The following TTC39A variants were observed in gnomAD, a reference collection of about 807,000 sequenced individuals.
TTC39A encodes tetratricopeptide repeat domain 39A.
A neutral mutation model predicts 82.3 loss-of-function variants in TTC39A; 46 were observed. That is an observed-to-expected ratio of 0.56 (90% CI 0.44 to 0.71). The LOEUF (loss-of-function observed/expected upper bound fraction) is 0.71, where lower values mean the gene tolerates loss of function less well. Ranked by LOEUF, TTC39A falls within the 30% of genes least tolerant of loss-of-function variation. TTC39A has a pLI of 0.00. For missense variants in TTC39A, 543 were observed against 712.9 expected (o/e 0.76, Z 2.71); for synonymous variants, 254 against 275.2 (o/e 0.92, Z 0.76).
At chr1:51,304,813 T>A (rs2148191343) in intron 8 of TTC39A, among the ~76,000 whole-genome samples, 1 of 152,280 alleles carries the variant, frequency 6.6e-6, no homozygotes, top group Middle Eastern at 3.4e-3. Context: ...GAATGTGTGA[T>A]CCTGGGCCAC....
At position 51,312,914 on chromosome 1, in the gene TTC39A, G is replaced by T; in HGVS notation, c.176C>A (p.Thr59Lys). 1.2e-6 allele frequency: 2 copies of T among 1,613,750 alleles called. No individual in the cohort carries two copies. The highest frequency in any genetic ancestry group is 2.2e-5 in the East Asian group (1 of 44,872). ...CTGCATCTCCAGGATGGTGGCATAT[G>T]TCAGTGAGTGGTACATGCTTTCCTT... The part of the protein sequence containing the change: ...RTKESMYHSL[T>K]YATILEMQAM... The change falls in exon 3 of 18, where the codon ACA becomes AAA. Residue 59 changes from threonine (T) to lysine (K), a missense_variant. Coordinates refer to ENST00000680483, the MANE Select transcript of TTC39A (RefSeq NM_001297663.2).
chr1:51,291,739 T>C (rs1377970985), intron 14 of TTC39A, among the ~76,000 whole-genome samples: 1 of 145,720 alleles, frequency 6.9e-6, no homozygotes, highest in Non-Finnish European at 1.5e-5. Context: ...CCAAGAAATC[T>C]AGGCTGCAGT....
At chr1:51,298,404 C>T (rs1197086529) in intron 12 of TTC39A, 1 of 152,786 alleles carries the variant, frequency 6.5e-6, no homozygotes, top group Non-Finnish European at 1.5e-5. Flanking sequence ...CCATTTCCTC[C>T]CCTACACTCC....
chr1:51,291,368 A>G (rs1569748243), intron 14 of TTC39A, among the ~76,000 whole-genome samples: 1 of 151,808 alleles, frequency 6.6e-6, no homozygotes, highest in Non-Finnish European at 1.5e-5. Flanking sequence ...GCACACACCT[A>G]TAATTCCAGC....
chr1:51,313,224 C>A (rs1311169568), intron 2 of TTC39A, among the ~76,000 whole-genome samples: 2 of 152,206 alleles, frequency 1.3e-5, no homozygotes, highest in Admixed American at 6.5e-5. Context: ...AGCAGCATAG[C>A]TGCCATGAGC....
At position 51,306,093 on chromosome 1, in the gene TTC39A, A is replaced by C; in HGVS notation, c.489-17T>G. The C allele has an allele frequency of 6.4e-7, 1 of 1,557,894 alleles. No homozygotes were observed. Among genetic ancestry groups the C allele is most frequent in the Non-Finnish European group, 8.9e-7 (1 of 1,129,358 alleles). ...TCCAGCTCCCTGCAGAGAGATGCCA[A>C]GTCCTGTTTCAGCCACTGCTGGGGG... On this transcript the variant is annotated splice_polypyrimidine_tract_variant and intron_variant, in intron 6 of 17. Transcript: ENST00000680483.
chr1:51,309,028 C>T (rs1274267249), intron 6 of TTC39A, among the ~76,000 whole-genome samples: 1 of 152,182 alleles, frequency 6.6e-6, no homozygotes, highest in Non-Finnish European at 1.5e-5. Context: ...AGGGGCCAGG[C>T]ACGGAGTAGG....
In TTC39A at chr1:51,302,516, C is replaced by A; in HGVS notation, c.821G>T (p.Arg274Leu). ...GCACATGGGGCTCACCTTAGGGTAC[C>A]GGTTCAGGTAGGGCTTCAAGAGCTT... ...AEKLLKPYLN[R>L]YPKGAIFLFF... The change falls in exon 10 of 18, where the codon CGG (arginine) becomes CTG (leucine). Residue 274 changes from arginine to leucine, a missense_variant. Physicochemically the swap from Arg to Leu is moderately radical, Grantham distance 102 (BLOSUM62 -2). Transcript: ENST00000680483. The A allele has an allele frequency of 6.2e-7, 1 of 1,609,498 alleles. No homozygotes were observed. The highest frequency in any genetic ancestry group is 1.1e-5 in the South Asian group (1 of 89,914).
At position 51,302,707 on chromosome 1, in the gene TTC39A, T is replaced by C; in HGVS notation, c.764-134A>G. On this transcript the variant is annotated intron_variant, in intron 9 of 17. Coordinates refer to ENST00000680483, the MANE Select transcript of TTC39A (RefSeq NM_001297663.2). The stretch of plus-strand genomic sequence containing the variant: ...AAATCGAGATAATTCTCCCTGTCCC[T>C]AGGGTGACATGAGGATTAAATAAGG... The C allele has an allele frequency of 3.1e-6, 3 of 962,628 alleles. No individual in the cohort carries two copies. In the Admixed American group the frequency reaches 6.1e-5, roughly 20 times the overall value. 59.6% of individuals were successfully genotyped at this position (962,628 alleles called of 1,614,324 possible).
At chr1:51,344,464 T>C (rs1229505449) in intron 1 of TTC39A, among the ~76,000 whole-genome samples, 1 of 152,032 alleles carries the variant, frequency 6.6e-6, no homozygotes, top group Non-Finnish European at 1.5e-5. Flanking sequence ...AGGGCTCGCC[T>C]TGGAGGAGCT....
chr1:51,301,412 T>C, intron 12 of TTC39A, 160 bp downstream of exon 12: 1 of 888,614 alleles, frequency 1.1e-6, no homozygotes, highest in South Asian at 2.1e-5. Flanking sequence ...GTTTCTCTTG[T>C]GGTCTTTAGT....
At chr1:51,307,804 TATAC>T (rs1382098152) in intron 6 of TTC39A, among the ~76,000 whole-genome samples, 1 of 151,644 alleles carries the variant, frequency 6.6e-6, no homozygotes, top group African/African-American at 2.4e-5. Context: ...CTGTGATAAA[TATAC>T]ATATCATGAA....
chr1:51,312,973 C>A, intron 2 of TTC39A, 30 bp from the exon 3 acceptor site: 2 of 1,603,164 alleles, frequency 1.2e-6, no homozygotes, highest in South Asian at 1.1e-5. Context: ...TTGAGAGCAC[C>A]ACCTTATAGA....
At chr1:51,302,957 G>C in intron 9 of TTC39A, 127 bp downstream of exon 9, 1 of 814,302 alleles carries the variant, frequency 1.2e-6, no homozygotes, top group Non-Finnish European at 2.0e-6. Context: ...AGTGGATGTG[G>C]CTCTGTTTCT....
At chr1:51,335,584 G>C (rs1645964922), upstream of TTC39A, among the ~76,000 whole-genome samples, 1 of 146,018 alleles carries the variant, frequency 6.8e-6, no homozygotes, top group Non-Finnish European at 1.5e-5. Context: ...AAAAAAAAGA[G>C]CCCTTAATAA....
chr1:51,291,473 A>AGAGT (rs1317193444), intron 14 of TTC39A, among the ~76,000 whole-genome samples: 1 of 150,778 alleles, frequency 6.6e-6, no homozygotes, highest in Non-Finnish European at 1.5e-5. Flanking sequence ...CCTGGGTGAC[A>AGAGT]GAGACTCCGT....
At chr1:51,299,042 G>C (rs1644548362) in intron 12 of TTC39A, 1 of 152,276 alleles carries the variant, frequency 6.6e-6, no homozygotes, top group African/African-American at 2.4e-5. Context: ...AGGCTCGGAG[G>C]TTTTGCAAAA....
intron 2 of TTC39A, among the ~76,000 whole-genome samples, chr1:51,314,933 C>T (rs1192740706): frequency 6.6e-6 from 1 of 152,200 alleles, no homozygotes. Context: ...AATATGAGTC[C>T]CTCCGTGTCC....
intron 8 of TTC39A, among the ~76,000 whole-genome samples, chr1:51,303,535 C>T (rs976038705): frequency 3.9e-5 from 6 of 152,150 alleles, no homozygotes; most frequent in Non-Finnish European, 7.4e-5. Context: ...AGGAGAGACA[C>T]GGAGGTGGAT....
Sources: allele counts gnomAD v4.1 joint callset (sites outside exome capture counted in the v4.1 genomes callset), GRCh38; gene constraint gnomAD v4.1.1; transcripts MANE v1.5; gene names NCBI Gene and HGNC (gene_info 2026-07-23, HGNC 2026-07-21).